Variants in HIP1 observed in about 807,000 individuals in gnomAD.
HIP1 encodes huntingtin interacting protein 1.
In HIP1, 65 loss-of-function variants were observed where a neutral mutation model predicts 147.6. That is an observed-to-expected ratio of 0.44 (90% CI 0.36 to 0.54). HIP1 has a LOEUF of 0.54. Among genes scored for constraint, HIP1 ranks in the 20% least tolerant of loss-of-function variants. HIP1 has a pLI of 0.00. For missense variants in HIP1, 1,061 were observed against 1,299.6 expected, an observed-to-expected ratio of 0.82 and a Z score of 2.82; for synonymous variants, 479 against 504.0, an observed-to-expected ratio of 0.95 and a Z score of 0.67.
At chr7:75,609,590 G>A (rs1797352703) in intron 1 of HIP1, among the ~76,000 whole-genome samples, 1 of 144,056 alleles carries the variant, frequency 6.9e-6, no homozygotes, top group Non-Finnish European at 1.5e-5. Flanking sequence ...ACAGAGTCTT[G>A]CCCTGTCGCC....
At chr7:75,691,000 T>C (rs1490448477) in intron 1 of HIP1, among the ~76,000 whole-genome samples, 3 of 152,106 alleles carry the variant, frequency 2.0e-5, no homozygotes, top group Non-Finnish European at 4.4e-5. Context: ...TCACAGTAGT[T>C]CCAAAGCAGC....
At chr7:75,616,085 C>CAAAAAAAAAAAAAAA (rs71098042) in intron 1 of HIP1, among the ~76,000 whole-genome samples, 22 of 35,218 alleles carry the variant, frequency 6.2e-4, no homozygotes, top group Admixed American at 1.6e-3. Context: ...GACTCTGTCT[C>CAAAAAAAAAAAAAAA]AAAAAAAAAA....
At chr7:75,623,966 G>C (rs1228744302) in intron 1 of HIP1, among the ~76,000 whole-genome samples, 5 of 152,168 alleles carry the variant, frequency 3.3e-5, no homozygotes, top group African/African-American at 9.7e-5. Flanking sequence ...GGAGGCTGAG[G>C]CAGGAGGATC....
At chr7:75,587,972 C>A (rs1554499917) in intron 4 of HIP1, among the ~76,000 whole-genome samples, 1 of 151,780 alleles carries the variant, frequency 6.6e-6, no homozygotes, top group Non-Finnish European at 1.5e-5. Context: ...CTCAAAACAC[C>A]ACCACCACCA....
intron 1 of HIP1, among the ~76,000 whole-genome samples, chr7:75,697,758 A>AC (rs782465334): frequency 6.6e-5 from 10 of 152,294 alleles, no homozygotes; most frequent in Non-Finnish European, 1.3e-4. Context: ...TTTGCAGTGA[A>AC]CCAAGACTGT....
At chr7:75,664,796 T>C (rs1554514459) in intron 1 of HIP1, among the ~76,000 whole-genome samples, 1 of 152,074 alleles carries the variant, frequency 6.6e-6, no homozygotes, top group African/African-American at 2.4e-5. Context: ...AATTTTTGTA[T>C]TTTTAGTAGG....
At chr7:75,587,082 A>G (rs1025217590) in intron 4 of HIP1, among the ~76,000 whole-genome samples, 3 of 152,158 alleles carry the variant, frequency 2.0e-5, no homozygotes, top group Non-Finnish European at 2.9e-5. Context: ...CTGGGATTAC[A>G]GGCACGCACC....
chr7:75,720,453 G>C (rs1377603805), intron 1 of HIP1, among the ~76,000 whole-genome samples: 1 of 152,080 alleles, frequency 6.6e-6, no homozygotes, highest in African/African-American at 2.4e-5. Flanking sequence ...GAGTTACCAT[G>C]CCCAGCCTCA....
At chr7:75,590,364 C>T (rs1796460017) in intron 4 of HIP1, among the ~76,000 whole-genome samples, 1 of 151,854 alleles carries the variant, frequency 6.6e-6, no homozygotes, top group Non-Finnish European at 1.5e-5. Context: ...TATTAGAGAA[C>T]ATGCCAAAAA....
chr7:75,701,291 G>C (rs564457424), intron 1 of HIP1, among the ~76,000 whole-genome samples: 43 of 152,156 alleles, frequency 2.8e-4, no homozygotes, highest in African/African-American at 9.9e-4. Flanking sequence ...CCACCTTAAC[G>C]GCTGAGGCAG....
At chr7:75,539,160 T>C (rs1413349268) in intron 30 of HIP1, among the ~76,000 whole-genome samples, 163 bp downstream of exon 30, 1 of 152,134 alleles carries the variant, frequency 6.6e-6, no homozygotes. Context: ...GGCTTAAAGG[T>C]TATTTACAAC....
At chr7:75,543,006 A>G in intron 27 of HIP1, 32 bp from the exon 28 acceptor site, 1 of 1,597,760 alleles carries the variant, frequency 6.3e-7, no homozygotes, top group Non-Finnish European at 8.5e-7. Context: ...AGGTTCATAC[A>G]ACACCTAGAG....
chr7:75,689,879 T>C (rs2117294022), intron 1 of HIP1, among the ~76,000 whole-genome samples: 1 of 152,226 alleles, frequency 6.6e-6, no homozygotes, highest in East Asian at 1.9e-4. Context: ...GTGGAAACCT[T>C]GTAAATAGTG....
At chr7:75,694,181 G>A (rs1800553623) in intron 1 of HIP1, among the ~76,000 whole-genome samples, 1 of 152,052 alleles carries the variant, frequency 6.6e-6, no homozygotes, top group Non-Finnish European at 1.5e-5. Context: ...GCCTCCCAAA[G>A]TGCTGAGATT....
chr7:75,649,851 G>A (rs900415193), intron 1 of HIP1, among the ~76,000 whole-genome samples: 1 of 152,146 alleles, frequency 6.6e-6, no homozygotes, highest in African/African-American at 2.4e-5. Context: ...TTGGCCAAAA[G>A]TTCAGCATAG....
At chr7:75,638,434 A>G (rs1195517730) in intron 1 of HIP1, among the ~76,000 whole-genome samples, 1 of 152,020 alleles carries the variant, frequency 6.6e-6, no homozygotes, top group Non-Finnish European at 1.5e-5. Context: ...CCTCCAGAGG[A>G]GCCCATTTCT....
chr7:75,590,159 C>T (rs1442610560), intron 4 of HIP1, among the ~76,000 whole-genome samples: 1 of 151,856 alleles, frequency 6.6e-6, no homozygotes, highest in Non-Finnish European at 1.5e-5. Context: ...ATGGAGAGCA[C>T]AGAATAAAAC....
At chr7:75,698,010 G>A (rs1800694736) in intron 1 of HIP1, among the ~76,000 whole-genome samples, 1 of 151,964 alleles carries the variant, frequency 6.6e-6, no homozygotes, top group South Asian at 2.1e-4. Flanking sequence ...TTTTTGTAGA[G>A]ACTGAGGTCT....
rs548737265 is a variant in HIP1 at position 75,649,196 on chromosome 7, G to A, written c.121-49949C>T. Among the ~76,000 whole-genome samples the A allele has an allele frequency of 7.9e-5, 12 of 152,178 alleles. 1 individual carries two copies. The highest frequency in any genetic ancestry group is 2.9e-4 in the African/African-American group (12 of 41,526). On this transcript the variant is annotated intron_variant, in intron 1 of 30. Transcript: ENST00000336926. ...TATGCCACCACACCCAGCTAATTTT[G>A]TATTTTTAGTAGAGACGGGGTTTCT...
Sources: allele counts gnomAD v4.1 joint callset (sites outside exome capture counted in the v4.1 genomes callset), GRCh38; gene constraint gnomAD v4.1.1; transcripts MANE v1.5; gene names NCBI Gene and HGNC (gene_info 2026-07-23, HGNC 2026-07-21).